DNAJC6: variants seen among roughly 807,000 people sequenced by gnomAD.
The protein encoded by DNAJC6 is DnaJ heat shock protein family (Hsp40) member C6.
A neutral mutation model predicts 110.0 loss-of-function variants in DNAJC6; 34 were observed. The observed-to-expected ratio is 0.31, with a 90% confidence interval of 0.24 to 0.41. The LOEUF (loss-of-function observed/expected upper bound fraction) is 0.41. DNAJC6 is among the 10% of genes least tolerant of loss of function. The pLI, the probability that DNAJC6 is intolerant of heterozygous loss-of-function variation, is 1.00. For synonymous variants in DNAJC6, 406 were observed against 437.2 expected, an observed-to-expected ratio of 0.93 and a Z score of 0.89; for missense variants, 1,031 against 1,207.8, an observed-to-expected ratio of 0.85 and a Z score of 2.17.
In DNAJC6 at chr1:65,366,057, T is replaced by G. The variant is rs368866534; in HGVS notation, c.404T>G (p.Phe135Cys). The G allele has an allele frequency of 4.3e-6, 7 of 1,613,760 alleles. No individual in the cohort carries two copies. The highest frequency in any genetic ancestry group is 5.9e-6 in the Non-Finnish European group (7 of 1,179,814). ...YVTSRIIVMS[F>C]PLDNVDIGFR... ...GTGATCTCTCTCCTAGTGATGTCCT[T>G]TCCTCTGGACAATGTTGACATAGGA... The change falls in exon 4 of 19, where the codon TTT becomes TGT. Residue 135 changes from phenylalanine to cysteine, a missense_variant. Phe to Cys is a radical substitution (Grantham distance 205, BLOSUM62 -2). Coordinates refer to ENST00000371069, the MANE Select transcript of DNAJC6 (RefSeq NM_001256864.2).
At chr1:65,377,621 A>T (rs1645778513) in intron 4 of DNAJC6, among the ~76,000 whole-genome samples, 1 of 152,242 alleles carries the variant, frequency 6.6e-6, no homozygotes, top group African/African-American at 2.4e-5. Context: ...TTTGCCCCAC[A>T]GTCATCTTGT....
chr1:65,314,735 G>C (rs1645133786), intron 1 of DNAJC6, among the ~76,000 whole-genome samples: 1 of 152,204 alleles, frequency 6.6e-6, no homozygotes, highest in African/African-American at 2.4e-5. Context: ...TGATCCGCCT[G>C]CCTCAGCCTC....
chr1:65,306,998 CTCTCTCTCTCTCTCTCTCTCTATATATA>C (rs1249260052), upstream of DNAJC6, among the ~76,000 whole-genome samples: 6 of 122,844 alleles, frequency 4.9e-5, no homozygotes, highest in African/African-American at 1.9e-4. Flanking sequence ...CTCTCTCTCT[CTCTCTCTCTCTCTCTCTCTCTATATATA>C]TATATATATA....
At chr1:65,299,875 C>T (rs2101271539) in intron 1 of DNAJC6, among the ~76,000 whole-genome samples, 1 of 151,972 alleles carries the variant, frequency 6.6e-6, no homozygotes, top group Middle Eastern at 3.4e-3. Context: ...CATGCTGAAA[C>T]CCCGTCTCTA....
chr1:65,340,843 G>T (rs1420762497), intron 1 of DNAJC6, among the ~76,000 whole-genome samples: 1 of 152,166 alleles, frequency 6.6e-6, no homozygotes, highest in African/African-American at 2.4e-5. Flanking sequence ...TTTATCAGAA[G>T]CTACTGAGGG....
chr1:65,296,614 G>A (rs1299508052), intron 1 of DNAJC6, among the ~76,000 whole-genome samples: 2 of 138,348 alleles, frequency 1.4e-5, no homozygotes, highest in Admixed American at 7.9e-5. Flanking sequence ...TTGAGACGGA[G>A]TCTAGCTCTG....
At chr1:65,306,971 TTTC>T (rs1645045543), upstream of DNAJC6, among the ~76,000 whole-genome samples, 3 of 107,114 alleles carry the variant, frequency 2.8e-5, no homozygotes, top group African/African-American at 1.1e-4. Flanking sequence ...TCTCAATCTG[TTTC>T]TCTCTCTCTC....
At chr1:65,410,540 T>C (rs1334396906) in intron 17 of DNAJC6, among the ~76,000 whole-genome samples, 1 of 152,182 alleles carries the variant, frequency 6.6e-6, no homozygotes, top group Non-Finnish European at 1.5e-5. Flanking sequence ...TTTGGGAGGG[T>C]AGCTGTCATT....
chr1:65,367,295 T>C (rs1381675569), intron 4 of DNAJC6, among the ~76,000 whole-genome samples: 1 of 152,136 alleles, frequency 6.6e-6, no homozygotes, highest in South Asian at 2.1e-4. Flanking sequence ...GACCACTCTT[T>C]GATAAAGCAC....
intron 1 of DNAJC6, among the ~76,000 whole-genome samples, chr1:65,292,078 G>A (rs564372134): frequency 4.6e-5 from 7 of 152,076 alleles, no homozygotes; most frequent in Admixed American, 2.0e-4. Flanking sequence ...GTACAATGGC[G>A]CGATCTCAAC....
rs944138315 is a variant in DNAJC6, at chr1:65,368,643, T to C, written c.543+2447T>C. ...TTCTTCTCCTTCTCCTCCTCCTCATTCTTCTTCTCCCTTCCTCCTTCCTTC... is the reference window on the plus strand; with the variant it reads ...TTCTTCTCCTTCTCCTCCTCCTCATCCTTCTTCTCCCTTCCTCCTTCCTTC... On this transcript the variant is annotated intron_variant, in intron 4 of 18. Transcript: ENST00000371069. 4.7e-5 allele frequency among the ~76,000 whole-genome samples: 7 copies of C among 149,182 alleles called. No homozygotes were observed. In the South Asian group the frequency reaches 1.5e-3, roughly 33 times the overall value.
intron 4 of DNAJC6, among the ~76,000 whole-genome samples, chr1:65,367,750 A>C (rs570048948): frequency 6.6e-6 from 1 of 152,318 alleles, no homozygotes; most frequent in South Asian, 2.1e-4. Context: ...TTTTAATGAA[A>C]GGCATCTATC....
At position 65,385,926 on chromosome 1, in the gene DNAJC6, T is replaced by C; in HGVS notation, c.995+20T>C. 6.3e-7 allele frequency: 1 copy of C among 1,578,250 alleles called. No homozygotes were observed. The highest frequency in any genetic ancestry group is 8.7e-7 in the Non-Finnish European group (1 of 1,154,844). On this transcript the variant is annotated intron_variant, in intron 7 of 18. Coordinates refer to ENST00000371069, the MANE Select transcript of DNAJC6 (RefSeq NM_001256864.2). ...AATGAAGTAAGTCATGATACTTTAC[T>C]TCTTCCTATGTACTTCTCAATTCTC...
Position 65,283,296 on chromosome 1 carries a change from G to A in DNAJC6, c.-131+18364G>A, listed in dbSNP as rs1653910753. On this transcript the variant is annotated intron_variant, in intron 1 of 19. Transcript: ENST00000263441. ...ACACTCTCTTGCATTACCCCTTTAT[G>A]GCCACCTCCATTTCCCGGTCCTTAA... Among the ~76,000 whole-genome samples, 3 of 151,962 alleles carry A rather than the reference G, an allele frequency of 2.0e-5. No individual in the cohort carries two copies. The South Asian group carries it at 6.2e-4, about 32-fold the overall frequency.
intron 5 of DNAJC6, among the ~76,000 whole-genome samples, chr1:65,380,240 T>C (rs1317028642): frequency 1.3e-5 from 2 of 152,240 alleles, no homozygotes; most frequent in Non-Finnish European, 2.9e-5. Context: ...TAAACTTTTG[T>C]ACTGCAGGCA....
intron 1 of DNAJC6, among the ~76,000 whole-genome samples, chr1:65,269,908 T>G (rs1264492608): frequency 1.5e-4 from 23 of 152,234 alleles, no homozygotes; most frequent in Admixed American, 1.4e-3. Flanking sequence ...GCTGTTCCAT[T>G]CAATGATGAA....
At chr1:65,362,224 C>T (rs1645604698) in intron 1 of DNAJC6, among the ~76,000 whole-genome samples, 1 of 135,966 alleles carries the variant, frequency 7.4e-6, no homozygotes, top group Admixed American at 7.5e-5. Flanking sequence ...GTTTTCTGAT[C>T]TATAACATAG....
At chr1:65,317,853 C>G (rs768213074) in intron 1 of DNAJC6, among the ~76,000 whole-genome samples, 11 of 152,106 alleles carry the variant, frequency 7.2e-5, no homozygotes, top group Non-Finnish European at 1.5e-4. Context: ...ATAATTTTAA[C>G]CAGGAAGACT....
At chr1:65,340,068 C>T (rs1645374901) in intron 1 of DNAJC6, among the ~76,000 whole-genome samples, 1 of 152,216 alleles carries the variant, frequency 6.6e-6, no homozygotes, top group Non-Finnish European at 1.5e-5. Context: ...GCAAATTCCA[C>T]CTCCACATTT....
Sources: gnomAD v4.1 joint callset for allele counts (sites outside exome capture counted in the v4.1 genomes callset) on GRCh38, gnomAD v4.1.1 for gene constraint, MANE v1.5 for transcripts, NCBI Gene and HGNC (gene_info 2026-07-23, HGNC 2026-07-21) for gene names.